DENND2B: variants seen among roughly 807,000 people sequenced by gnomAD.
DENND2B encodes DENN domain containing 2B, also known as DENN domain-containing protein 2B.
A neutral mutation model predicts 116.0 loss-of-function variants in DENND2B; 32 were observed. That is an observed-to-expected ratio of 0.28 (90% CI 0.21 to 0.37). The LOEUF (loss-of-function observed/expected upper bound fraction) is 0.37, where lower values mean the gene tolerates loss of function less well. DENND2B is among the 10% of genes least tolerant of loss of function. The pLI, the probability that DENND2B is intolerant of heterozygous loss-of-function variation, is 1.00. For synonymous variants in DENND2B, 588 were observed against 583.9 expected (o/e 1.01, Z -0.10); for missense variants, 1,276 against 1,477.7 (o/e 0.86, Z 2.24).
At chr11:8,706,753 C>T (rs1307211902) in intron 13 of DENND2B, among the ~76,000 whole-genome samples, 1 of 152,202 alleles carries the variant, frequency 6.6e-6, no homozygotes, top group Non-Finnish European at 1.5e-5. Context: ...AGCCACGTCC[C>T]TCTACCTCTG....
chr11:8,783,046 CTTTTTT>C (rs35035048), intron 1 of DENND2B, among the ~76,000 whole-genome samples: 59 of 118,994 alleles, frequency 5.0e-4, no homozygotes, highest in Admixed American at 1.3e-3. Context: ...CACCACTTAC[CTTTTTT>C]TTTTTTTTTT....
At chr11:8,789,104 G>A (rs1369640381) in intron 1 of DENND2B, among the ~76,000 whole-genome samples, 3 of 152,222 alleles carry the variant, frequency 2.0e-5, no homozygotes, top group East Asian at 1.9e-4. Flanking sequence ...GCCTTTTGGA[G>A]ATACATTCTG....
Position 8,755,395 on chromosome 11 carries a change from C to T in DENND2B, c.-25-4670G>A, listed in dbSNP as rs182660042. Among the ~76,000 whole-genome samples the T allele has an allele frequency of 1.6e-4, 24 of 152,318 alleles. 2 individuals carry two copies. Among genetic ancestry groups the T allele is most frequent in the East Asian group, 1.2e-3 (6 of 5,186 alleles). Reference sequence around the variant, plus strand: ...CTAATTCTTGATAGCATTTATACTTCCTTCCTAATCTCAAGATGAAATGTA... The same window carrying T: ...CTAATTCTTGATAGCATTTATACTTTCTTCCTAATCTCAAGATGAAATGTA... On this transcript the variant is annotated intron_variant, in intron 1 of 19. Transcript: ENST00000313726.
At chr11:8,874,536 T>C (rs11042106), upstream of DENND2B, among the ~76,000 whole-genome samples, 29,763 of 152,046 alleles carry the variant, frequency 0.2, 3,035 homozygotes, top group East Asian at 0.31. Flanking sequence ...TAAGATTTTC[T>C]AGGAAGATTT....
intron 4 of DENND2B, among the ~76,000 whole-genome samples, chr11:8,837,816 T>C (rs913634658): frequency 6.6e-6 from 1 of 152,160 alleles, no homozygotes; most frequent in Non-Finnish European, 1.5e-5. Flanking sequence ...ATCGAAGGTC[T>C]CTGGAAGCTA....
chr11:8,697,869 C>T, intron 16 of DENND2B: 1 of 554,272 alleles, frequency 1.8e-6, no homozygotes, highest in South Asian at 1.9e-5. Context: ...TGGCTCACGC[C>T]AGTAATCCCA....
At chr11:8,869,419 T>A (rs1188314919) in intron 2 of DENND2B, among the ~76,000 whole-genome samples, 1 of 152,144 alleles carries the variant, frequency 6.6e-6, no homozygotes. Flanking sequence ...TTCCAGCACT[T>A]TGGGAGGCCC....
Position 8,780,212 on chromosome 11 carries a change from A to G in DENND2B, c.-25-29487T>C, listed in dbSNP as rs145108481. On this transcript the variant is annotated intron_variant, in intron 1 of 19. Transcript: ENST00000313726. ...TATGTTTAGTGCTGTTTGGACACCA[A>G]ATGCATCAGGTATGGGTCCATCCTC... is the stretch of plus-strand genomic sequence containing the variant. 2.8e-3 allele frequency among the ~76,000 whole-genome samples: 420 copies of G among 152,262 alleles called. 5 individuals carry two copies. Among genetic ancestry groups the G allele is most frequent in the African/African-American group, 9.0e-3 (372 of 41,542 alleles).
chr11:8,801,798 C>T (rs1403798398), intron 1 of DENND2B, among the ~76,000 whole-genome samples: 3 of 149,700 alleles, frequency 2.0e-5, no homozygotes, highest in Non-Finnish European at 3.0e-5. Flanking sequence ...GAGCTCAGTT[C>T]GAGACCAGCC....
At chr11:8,849,812 G>C (rs2062944459) in intron 3 of DENND2B, among the ~76,000 whole-genome samples, 1 of 132,516 alleles carries the variant, frequency 7.5e-6, no homozygotes, top group Non-Finnish European at 1.6e-5. Context: ...GACAGAGGGA[G>C]TCTCCATCTC....
intron 7 of DENND2B, among the ~76,000 whole-genome samples, 161 bp from the exon 8 acceptor site, chr11:8,714,203 G>A (rs2044301207): frequency 6.6e-6 from 1 of 152,214 alleles, no homozygotes; most frequent in Non-Finnish European, 1.5e-5. Flanking sequence ...TGAGTGGCCT[G>A]GGGCCAGGCT....
intron 1 of DENND2B, chr11:8,776,689 A>C (rs117573291): frequency 1.8e-5 from 3 of 169,276 alleles, no homozygotes; most frequent in Admixed American, 5.5e-5. Context: ...ATATTCTATT[A>C]TAAGAACCTT....
chr11:8,898,369 T>A (rs1057044620), intron 1 of DENND2B, among the ~76,000 whole-genome samples: 5 of 151,226 alleles, frequency 3.3e-5, no homozygotes, highest in African/African-American at 1.2e-4. Context: ...TCATAAAAAA[T>A]AAAATAAAAT....
At chr11:8,838,513 C>CA (rs1378647525) in intron 4 of DENND2B, among the ~76,000 whole-genome samples, 1 of 152,208 alleles carries the variant, frequency 6.6e-6, no homozygotes, top group Non-Finnish European at 1.5e-5. Context: ...AGCAAAACAA[C>CA]ACAGCCAGAA....
chr11:8,706,580 AC>A (rs1429342408), intron 13 of DENND2B, among the ~76,000 whole-genome samples: 1 of 151,936 alleles, frequency 6.6e-6, no homozygotes, highest in East Asian at 1.9e-4. Flanking sequence ...CTCAGAGGAG[AC>A]CTTCCCTGGC....
chr11:8,736,194 C>G (rs2048997577), intron 2 of DENND2B, among the ~76,000 whole-genome samples: 1 of 152,158 alleles, frequency 6.6e-6, no homozygotes, highest in African/African-American at 2.4e-5. Flanking sequence ...TTTTGGCTCT[C>G]CATCCATTCA....
intron 1 of DENND2B, among the ~76,000 whole-genome samples, chr11:8,798,892 A>G (rs2060064202): frequency 6.6e-6 from 1 of 151,120 alleles, no homozygotes; most frequent in Admixed American, 6.6e-5. Flanking sequence ...AAACAGCACA[A>G]TCTCAGCTCA....
intron 19 of DENND2B, 88 bp from the exon 20 acceptor site, chr11:8,694,218 A>C: frequency 1.4e-6 from 2 of 1,478,578 alleles, no homozygotes; most frequent in Non-Finnish European, 9.4e-7. Context: ...TAACCCTGTC[A>C]GTGGGAGAGG....
At chr11:8,824,551 CA>C (rs1418922669) in intron 4 of DENND2B, among the ~76,000 whole-genome samples, 1 of 152,190 alleles carries the variant, frequency 6.6e-6, no homozygotes, top group African/African-American at 2.4e-5. Flanking sequence ...TTTATGGCTG[CA>C]TAGTATTCCA....
Sources: allele counts gnomAD v4.1 joint callset (sites outside exome capture counted in the v4.1 genomes callset), GRCh38; gene constraint gnomAD v4.1.1; transcripts MANE v1.5; gene names NCBI Gene and HGNC (gene_info 2026-07-23, HGNC 2026-07-21).